EPC1: variants seen among roughly 807,000 people sequenced by gnomAD.
EPC1 encodes enhancer of polycomb homolog 1.
EPC1 carries 12 observed loss-of-function variants against 98.4 expected under a neutral mutation model. That is an observed-to-expected ratio of 0.12 (90% CI 0.08 to 0.20). The LOEUF (loss-of-function observed/expected upper bound fraction) is 0.20, where lower values mean the gene tolerates loss of function less well. Among genes scored for constraint, EPC1 ranks in the 10% least tolerant of loss-of-function variants. EPC1 has a pLI of 1.00. For synonymous variants in EPC1, 357 were observed against 363.9 expected, an observed-to-expected ratio of 0.98 and a Z score of 0.21; for missense variants, 729 against 990.5, an observed-to-expected ratio of 0.74 and a Z score of 3.54.
chr10:32,290,483 C>CA (rs57193296), intron 6 of EPC1, among the ~76,000 whole-genome samples: 20 of 40,150 alleles, frequency 5.0e-4, no homozygotes, highest in South Asian at 1.6e-3. Flanking sequence ...AAGACTCTGT[C>CA]AAAAAAAAAA....
intron 2 of EPC1, among the ~76,000 whole-genome samples, chr10:32,298,577 T>C (rs1179967133): frequency 1.3e-5 from 2 of 152,206 alleles, no homozygotes; most frequent in African/African-American, 2.4e-5. Context: ...TGTTATTTAC[T>C]ATGGGGTGAT....
chr10:32,361,354 G>C (rs983922913), intron 1 of EPC1, among the ~76,000 whole-genome samples: 14 of 152,122 alleles, frequency 9.2e-5, no homozygotes, highest in Admixed American at 2.6e-4. Context: ...CCCAAAATAT[G>C]ACAGTGGGAG....
intron 1 of EPC1, among the ~76,000 whole-genome samples, chr10:32,369,649 C>A (rs1839694445): frequency 6.6e-6 from 1 of 152,166 alleles, no homozygotes; most frequent in Non-Finnish European, 1.5e-5. Context: ...GTCGAAAGTA[C>A]TGCATTTTTT....
chr10:32,367,971 G>A (rs1218802724), intron 1 of EPC1, among the ~76,000 whole-genome samples: 2 of 152,116 alleles, frequency 1.3e-5, no homozygotes, highest in African/African-American at 4.8e-5. Context: ...TGTCTTCTGC[G>A]TCTTTCAACT....
chr10:32,295,039 C>T (rs181920959), intron 2 of EPC1, among the ~76,000 whole-genome samples: 14 of 152,212 alleles, frequency 9.2e-5, no homozygotes, highest in Middle Eastern at 3.4e-3. Context: ...GATTTTTCCC[C>T]ACCCAAGAAG....
intron 4 of EPC1, 80 bp from the exon 5 acceptor site, chr10:32,292,724 T>C (rs2132735085): frequency 7.4e-7 from 1 of 1,345,744 alleles, no homozygotes; most frequent in Non-Finnish European, 1.0e-6. Flanking sequence ...AAAATTTATA[T>C]ATTTGAAGGG....
At chr10:32,358,988 G>T (rs1839364277) in intron 1 of EPC1, among the ~76,000 whole-genome samples, 1 of 152,120 alleles carries the variant, frequency 6.6e-6, no homozygotes, top group Non-Finnish European at 1.5e-5. Flanking sequence ...TATAGGCTCA[G>T]GGAAGTCCTG....
At chr10:32,377,718 T>C (rs1045953260) in intron 1 of EPC1, among the ~76,000 whole-genome samples, 1 of 152,102 alleles carries the variant, frequency 6.6e-6, no homozygotes. Context: ...TTTTTTCTTT[T>C]AGTGAAACTG....
intron 1 of EPC1, among the ~76,000 whole-genome samples, chr10:32,368,101 C>G (rs141286950): frequency 9.9e-5 from 15 of 152,204 alleles, no homozygotes; most frequent in Non-Finnish European, 2.1e-4. Context: ...TGGCAAGAGA[C>G]CCAGACTGTT....
intron 1 of EPC1, among the ~76,000 whole-genome samples, chr10:32,360,871 G>A (rs185937121): frequency 0.012 from 1,745 of 145,468 alleles, 37 homozygotes; most frequent in African/African-American, 0.043. Context: ...TCCAGCCTGG[G>A]CGACAGAGTG....
chr10:32,319,503 T>C (rs1836755674), intron 1 of EPC1, among the ~76,000 whole-genome samples: 1 of 152,134 alleles, frequency 6.6e-6, no homozygotes, highest in African/African-American at 2.4e-5. Context: ...TGCCTCCAGA[T>C]GTGATGTCAT....
intron 1 of EPC1, among the ~76,000 whole-genome samples, chr10:32,363,370 C>T (rs1839499220): frequency 1.3e-5 from 2 of 152,158 alleles, no homozygotes; most frequent in Admixed American, 6.5e-5. Flanking sequence ...CTTGAGCTAC[C>T]GTGCTCAGCC....
At position 32,347,059 on chromosome 10, in the gene EPC1, C is replaced by T; in HGVS notation, c.-144G>A. 6.8e-7 allele frequency: 1 copy of T among 1,460,856 alleles called. No individual in the cohort carries two copies. The highest frequency in any genetic ancestry group is 1.4e-5 in the South Asian group (1 of 72,172). 90.5% of individuals were successfully genotyped at this position (1,460,856 alleles called of 1,614,324 possible). On this transcript the variant is annotated 5_prime_UTR_variant, in exon 1 of 14. Transcript: ENST00000319778. ...GCAGAGCCCGCCGTCCGGGCACTAA[C>T]ACCAGCCGGGAGGGTGGGAGGCTGT... is the stretch of plus-strand genomic sequence containing the variant.
intron 1 of EPC1, among the ~76,000 whole-genome samples, chr10:32,363,336 C>T (rs796361115): frequency 4.6e-5 from 7 of 152,328 alleles, no homozygotes; most frequent in African/African-American, 1.7e-4. Flanking sequence ...CTGCCTTGGC[C>T]TCCCAAAGTA....
At chr10:32,341,510 T>C (rs890743718) in intron 1 of EPC1, among the ~76,000 whole-genome samples, 10 of 152,196 alleles carry the variant, frequency 6.6e-5, no homozygotes, top group Admixed American at 6.5e-4. Flanking sequence ...TTACAAAATT[T>C]AAGCTACACT....
At chr10:32,343,306 G>A (rs1031423737) in intron 1 of EPC1, among the ~76,000 whole-genome samples, 1 of 152,152 alleles carries the variant, frequency 6.6e-6, no homozygotes, top group Admixed American at 6.5e-5. Flanking sequence ...CACCTCCCGG[G>A]TTCAAGCGAT....
intron 1 of EPC1, among the ~76,000 whole-genome samples, chr10:32,358,514 G>A (rs530551622): frequency 3.3e-5 from 5 of 151,708 alleles, no homozygotes; most frequent in Non-Finnish European, 7.4e-5. Flanking sequence ...GTGTGGTGGT[G>A]CACACCTGTA....
chr10:32,322,818 C>G (rs1453389956), intron 1 of EPC1, among the ~76,000 whole-genome samples: 3 of 151,658 alleles, frequency 2.0e-5, no homozygotes, highest in Non-Finnish European at 4.4e-5. Flanking sequence ...GTGATGGTTA[C>G]CAAAGGCTGG....
At chr10:32,272,879 G>A in intron 11 of EPC1, 1 of 670,646 alleles carries the variant, frequency 1.5e-6, no homozygotes, top group South Asian at 2.0e-5. Flanking sequence ...AATGAACTGG[G>A]TGGGGTTATA....
Sources: allele counts gnomAD v4.1 joint callset (sites outside exome capture counted in the v4.1 genomes callset), GRCh38; gene constraint gnomAD v4.1.1; transcripts MANE v1.5; gene names NCBI Gene and HGNC (gene_info 2026-07-23, HGNC 2026-07-21).